AOAH: variants seen among roughly 807,000 people sequenced by gnomAD.
AOAH encodes the protein acyloxyacyl hydrolase.
AOAH carries 64 observed loss-of-function variants against 92.2 expected under a neutral mutation model. That is an observed-to-expected ratio of 0.69 (90% CI 0.57 to 0.86). AOAH has a LOEUF of 0.86. AOAH is among the 40% of genes least tolerant of loss of function. AOAH has a pLI of 0.00. For synonymous variants in AOAH, 263 were observed against 254.5 expected (o/e 1.03, Z -0.32); for missense variants, 656 against 694.6 (o/e 0.94, Z 0.62).
chr7:36,538,255 C>T (rs9655374), intron 16 of AOAH, among the ~76,000 whole-genome samples: 66,560 of 151,510 alleles, frequency 0.44, 15,228 homozygotes, highest in East Asian at 0.59. Flanking sequence ...CTTGAACTCT[C>T]GCCACAGTTG....
At chr7:36,670,641 A>AT (rs1049691440) in intron 3 of AOAH, among the ~76,000 whole-genome samples, 51 of 151,778 alleles carry the variant, frequency 3.4e-4, no homozygotes, top group Middle Eastern at 6.8e-3. Context: ...CACCCGGCTA[A>AT]TTTTTTTTGT....
chr7:36,530,812 A>G, intron 18 of AOAH: 1 of 259,692 alleles, frequency 3.9e-6, no homozygotes, highest in Non-Finnish European at 7.4e-6. Context: ...TGTCATGGGT[A>G]GGTGAATGAG....
At chr7:36,603,365 A>G (rs1790742566) in intron 11 of AOAH, among the ~76,000 whole-genome samples, 1 of 151,812 alleles carries the variant, frequency 6.6e-6, no homozygotes, top group Admixed American at 6.6e-5. Flanking sequence ...CTCCAGCTCC[A>G]CTGTCTTGAC....
At chr7:36,637,036 A>G (rs73687593) in intron 5 of AOAH, among the ~76,000 whole-genome samples, 4,827 of 152,248 alleles carry the variant, frequency 0.032, 253 homozygotes, top group African/African-American at 0.11. Flanking sequence ...CATTGAGGAT[A>G]ATGTCGTGCT....
intron 12 of AOAH, among the ~76,000 whole-genome samples, chr7:36,582,731 A>G (rs541925482): frequency 2.6e-5 from 4 of 152,358 alleles, no homozygotes; most frequent in African/African-American, 9.6e-5. Flanking sequence ...GGAGAGAGGC[A>G]AAAATGGAGT....
chr7:36,678,585 G>T (rs200173040), intron 2 of AOAH, among the ~76,000 whole-genome samples: 15 of 131,058 alleles, frequency 1.1e-4, no homozygotes, highest in African/African-American at 4.2e-4. Context: ...GTGTGTGTGT[G>T]TGTGTGTGTG....
intron 20 of AOAH, among the ~76,000 whole-genome samples, chr7:36,518,759 G>C (rs971505650): frequency 5.3e-5 from 8 of 152,190 alleles, no homozygotes; most frequent in African/African-American, 1.9e-4. Context: ...AGACAGTAAA[G>C]CCAGAAGCGG....
At chr7:36,657,517 A>G (rs1794961892) in intron 4 of AOAH, among the ~76,000 whole-genome samples, 1 of 152,190 alleles carries the variant, frequency 6.6e-6, no homozygotes, top group African/African-American at 2.4e-5. Flanking sequence ...GAAGCTGTCC[A>G]TGTGTATACC....
At chr7:36,723,912 G>T in intron 1 of AOAH, 110 bp downstream of exon 1, 1 of 1,291,000 alleles carries the variant, frequency 7.7e-7, no homozygotes, top group Non-Finnish European at 1.0e-6. Context: ...TGCCTTACCT[G>T]GAATCTTACA....
At chr7:36,722,564 G>C (rs1799697367) in intron 1 of AOAH, among the ~76,000 whole-genome samples, 1 of 152,076 alleles carries the variant, frequency 6.6e-6, no homozygotes, top group African/African-American at 2.4e-5. Context: ...GATCTCCCAG[G>C]CATGGTTCAA....
At chr7:36,596,579 G>A (rs188575574) in intron 11 of AOAH, among the ~76,000 whole-genome samples, 49 of 152,284 alleles carry the variant, frequency 3.2e-4, no homozygotes, top group African/African-American at 1.1e-3. Context: ...CAGGGGGAAG[G>A]CCGTGCAATG....
intron 13 of AOAH, among the ~76,000 whole-genome samples, chr7:36,569,946 A>G (rs1280528666): frequency 6.6e-6 from 1 of 151,886 alleles, no homozygotes; most frequent in African/African-American, 2.4e-5. Flanking sequence ...CCACTTTAAT[A>G]TTTGTTTTTC....
At chr7:36,721,322 T>C (rs1029597098) in intron 1 of AOAH, among the ~76,000 whole-genome samples, 4 of 152,262 alleles carry the variant, frequency 2.6e-5, no homozygotes, top group Non-Finnish European at 5.9e-5. Context: ...TGGGACTTCT[T>C]TTATGGCTGC....
chr7:36,587,002 T>C (rs569450276), intron 12 of AOAH, among the ~76,000 whole-genome samples: 1 of 152,060 alleles, frequency 6.6e-6, no homozygotes, highest in South Asian at 2.1e-4. Context: ...CTGGGGGCAG[T>C]GGTTCATTCC....
At chr7:36,616,189 G>C (rs959687199) in intron 11 of AOAH, among the ~76,000 whole-genome samples, 191 bp downstream of exon 11, 1 of 152,200 alleles carries the variant, frequency 6.6e-6, no homozygotes, top group African/African-American at 2.4e-5. Context: ...GCTGAGGCTG[G>C]GGAGGTGAGT....
At chr7:36,589,665 C>G (rs1789608206) in intron 12 of AOAH, among the ~76,000 whole-genome samples, 1 of 152,184 alleles carries the variant, frequency 6.6e-6, no homozygotes, top group East Asian at 1.9e-4. Flanking sequence ...TTGAGGAATG[C>G]TAAATGTTCC....
At chr7:36,645,937 A>G (rs1013218346) in intron 4 of AOAH, among the ~76,000 whole-genome samples, 1 of 152,172 alleles carries the variant, frequency 6.6e-6, no homozygotes, top group African/African-American at 2.4e-5. Context: ...TATAGCTATT[A>G]GTATCATCAG....
intron 5 of AOAH, among the ~76,000 whole-genome samples, chr7:36,635,536 G>A (rs997149370): frequency 2.6e-5 from 4 of 152,046 alleles, no homozygotes; most frequent in African/African-American, 7.2e-5. Context: ...TTTGGATCTC[G>A]GCAATTTTTA....
At chr7:36,653,756 G>A (rs774694217) in intron 4 of AOAH, among the ~76,000 whole-genome samples, 4 of 152,222 alleles carry the variant, frequency 2.6e-5, no homozygotes, top group Non-Finnish European at 4.4e-5. Flanking sequence ...AGTGGCTGAA[G>A]TAAGTCTTGA....
Sources: gnomAD v4.1 joint callset for allele counts (sites outside exome capture counted in the v4.1 genomes callset) on GRCh38, gnomAD v4.1.1 for gene constraint, MANE v1.5 for transcripts, NCBI Gene and HGNC (gene_info 2026-07-23, HGNC 2026-07-21) for gene names.